STRN: variants seen among roughly 807,000 people sequenced by gnomAD.
STRN encodes striatin, also known as protein phosphatase 2 regulatory subunit B'''alpha.
STRN carries 53 observed loss-of-function variants against 96.3 expected under a neutral mutation model. The observed-to-expected ratio is 0.55, with a 90% CI of 0.44 to 0.69. STRN has a LOEUF of 0.69. Among genes scored for constraint, STRN ranks in the 30% least tolerant of loss-of-function variants. The pLI is 0.00. For missense variants in STRN, 987 were observed against 963.9 expected (o/e 1.02, Z -0.32); for synonymous variants, 428 against 355.9 (o/e 1.20, Z -2.28).
chr2:36,943,393 T>C (rs1334391109), intron 1 of STRN, among the ~76,000 whole-genome samples: 1 of 151,138 alleles, frequency 6.6e-6, no homozygotes, highest in African/African-American at 2.4e-5. Context: ...GAACTATATA[T>C]ATATATATAA....
intron 1 of STRN, among the ~76,000 whole-genome samples, chr2:36,937,492 G>T (rs1670734342): frequency 1.3e-5 from 2 of 151,982 alleles, no homozygotes; most frequent in South Asian, 4.1e-4. Context: ...AACGCACTGA[G>T]AATCCATGTC....
At chr2:36,905,647 G>A in intron 3 of STRN, 29 bp from the exon 4 acceptor site, 4 of 1,593,950 alleles carry the variant, frequency 2.5e-6, no homozygotes, top group East Asian at 2.2e-5. Flanking sequence ...TAATAAAACT[G>A]ACTTGTTTTA....
intron 11 of STRN, among the ~76,000 whole-genome samples, chr2:36,868,932 C>A (rs189191724): frequency 7.3e-4 from 110 of 150,246 alleles, no homozygotes; most frequent in African/African-American, 2.5e-3. Context: ...AGGACCCAAG[C>A]AAGTAGAACC....
intron 10 of STRN, among the ~76,000 whole-genome samples, chr2:36,877,250 T>C (rs947807612): frequency 1.3e-5 from 2 of 152,188 alleles, no homozygotes; most frequent in African/African-American, 2.4e-5. Context: ...AAGGCAAATA[T>C]TGTTTAGGTA....
chr2:36,894,393 C>A (rs1000786118), intron 6 of STRN, among the ~76,000 whole-genome samples: 1 of 152,040 alleles, frequency 6.6e-6, no homozygotes, highest in Non-Finnish European at 1.5e-5. Flanking sequence ...TTATTTTTTT[C>A]CCTAAAATGT....
chr2:36,936,530 T>C (rs1171421777), intron 1 of STRN, among the ~76,000 whole-genome samples: 1 of 152,184 alleles, frequency 6.6e-6, no homozygotes, highest in Non-Finnish European at 1.5e-5. Context: ...TTAATTGATA[T>C]TACATATATA....
At position 36,886,846 on chromosome 2, in the gene STRN, TG is replaced by T. The variant is rs1669244001; in HGVS notation, c.932-21del. 6.3e-7 allele frequency: 1 copy of T among 1,586,066 alleles called. No homozygotes were observed. The highest frequency in any genetic ancestry group is 1.4e-5 in the African/African-American group (1 of 73,762). On this transcript the variant is annotated intron_variant, in intron 7 of 17. Coordinates refer to ENST00000263918, the MANE Select transcript of STRN (RefSeq NM_003162.4). ...CCTTTTCTAAACAGAGTGAAACAAA[TG>T]AAACAGCCTTTTTCAATAAAATATT...
At chr2:36,852,707 G>C (rs1322446801) in intron 15 of STRN, among the ~76,000 whole-genome samples, 1 of 152,012 alleles carries the variant, frequency 6.6e-6, no homozygotes, top group Non-Finnish European at 1.5e-5. Context: ...CCCTAGAATA[G>C]GTATTACAAG....
intron 10 of STRN, among the ~76,000 whole-genome samples, chr2:36,873,096 T>C (rs1218748501): frequency 6.6e-6 from 1 of 152,164 alleles, no homozygotes; most frequent in African/African-American, 2.4e-5. Flanking sequence ...GGGTTATGAT[T>C]TCAAAGGGTG....
intron 1 of STRN, among the ~76,000 whole-genome samples, chr2:36,930,787 C>T (rs144747916): frequency 0.012 from 1,879 of 152,198 alleles, 19 homozygotes; most frequent in Non-Finnish European, 0.02. Context: ...AATCCTAGCA[C>T]TTTGGGAGGC....
chr2:36,858,192 A>C (rs1430560562), intron 13 of STRN, among the ~76,000 whole-genome samples, 169 bp from the exon 14 acceptor site: 1 of 152,218 alleles, frequency 6.6e-6, no homozygotes, highest in Non-Finnish European at 1.5e-5. Flanking sequence ...ACAAGCTTGG[A>C]AATATACAAA....
intron 1 of STRN, among the ~76,000 whole-genome samples, chr2:36,926,728 T>C (rs1002940768): frequency 2.0e-5 from 3 of 152,186 alleles, no homozygotes; most frequent in Non-Finnish European, 2.9e-5. Context: ...AAAGGAAGGA[T>C]TACATTTACC....
At chr2:36,907,214 T>C (rs915064350) in intron 3 of STRN, among the ~76,000 whole-genome samples, 2 of 152,134 alleles carry the variant, frequency 1.3e-5, no homozygotes, top group African/African-American at 2.4e-5. Flanking sequence ...CAAGTGGAGA[T>C]ACAATAGGGA....
rs757753424 is a variant in STRN at position 36,855,319 on chromosome 2, C to T, written c.1871G>A (p.Ser624Asn). ...TGCTACCATATGGCTCGGGTCACTGCTCACTAGATCCACAGAGGCAGGGAT... is the reference window on the plus strand; with the variant it reads ...TGCTACCATATGGCTCGGGTCACTGTTCACTAGATCCACAGAGGCAGGGAT... ...LGIPASVDLV[S>N]SDPSHMVASF... The change falls in exon 15 of 18, where the codon AGC becomes AAC. Residue 624 changes from serine (S) to asparagine (N), a missense_variant. Physicochemically the swap from Ser to Asn is conservative, Grantham distance 46 (BLOSUM62 1). Coordinates refer to ENST00000263918, the MANE Select transcript of STRN (RefSeq NM_003162.4). 3 of 1,613,744 alleles carry T rather than the reference C, an allele frequency of 1.9e-6. No individual in the cohort carries two copies. Among genetic ancestry groups the T allele is most frequent in the Admixed American group, 3.3e-5 (2 of 59,996 alleles).
chr2:36,843,048 C>A lies in STRN; in HGVS notation c.*6408G>T, dbSNP rs962425291. On this transcript the variant is annotated 3_prime_UTR_variant, in exon 18 of 18. Transcript: ENST00000263918. ...GGCTGACCCCAGGAGGTTCATCAAT[C>A]CGTGAATAATTTTTGGAGTTTTAAT... Among the ~76,000 whole-genome samples the A allele has an allele frequency of 6.6e-6, 1 of 152,056 alleles. No individual in the cohort carries two copies. The highest frequency in any genetic ancestry group is 6.6e-5 in the Admixed American group (1 of 15,252).
In STRN at chr2:36,884,067, T is replaced by G. The variant is rs745488450; in HGVS notation, c.1051A>C (p.Arg351=). Reference sequence around the variant, plus strand: ...GCAAGCATATCTTGTAGTTTTGACCTATTGGGCCCTAGCCAAAAAAAGGGG... The same window carrying G: ...GCAAGCATATCTTGTAGTTTTGACCGATTGGGCCCTAGCCAAAAAAAGGGG... ...KGKKGVKRPN[R]SKLQDMLANL... Residue 351 remains arginine, a synonymous_variant, in exon 9 of 18, where the codon AGG becomes CGG. Transcript: ENST00000263918. The G allele has an allele frequency of 7.4e-7, 1 of 1,346,672 alleles. No homozygotes were observed. Among genetic ancestry groups the G allele is most frequent in the South Asian group, 2.6e-5 (1 of 38,816 alleles). 83.4% of individuals were successfully genotyped at this position (1,346,672 alleles called of 1,614,324 possible). A position where few individuals can be genotyped will look rare whatever the true frequency, so the allele number is the denominator to read the frequency against.
intron 6 of STRN, among the ~76,000 whole-genome samples, chr2:36,896,086 A>G (rs1669534475): frequency 6.6e-6 from 1 of 152,162 alleles, no homozygotes; most frequent in Admixed American, 6.6e-5. Flanking sequence ...GCTGTAATTC[A>G]GAGGGACCAC....
At chr2:36,932,085 G>A (rs1214076796) in intron 1 of STRN, among the ~76,000 whole-genome samples, 3 of 152,100 alleles carry the variant, frequency 2.0e-5, no homozygotes, top group Admixed American at 2.0e-4. Context: ...CTCCCAAAGT[G>A]CTGGAAATAC....
At chr2:36,862,866 G>C (rs1463897260) in intron 12 of STRN, among the ~76,000 whole-genome samples, 1 of 151,916 alleles carries the variant, frequency 6.6e-6, no homozygotes, top group Non-Finnish European at 1.5e-5. Context: ...TCTCCGAGTA[G>C]CTGGGACTAC....
Sources: allele counts gnomAD v4.1 joint callset (sites outside exome capture counted in the v4.1 genomes callset), GRCh38; gene constraint gnomAD v4.1.1; transcripts MANE v1.5; gene names NCBI Gene and HGNC (gene_info 2026-07-23, HGNC 2026-07-21).